SUSD1: variants seen among roughly 807,000 people sequenced by gnomAD.
SUSD1 encodes the protein sushi domain-containing protein 1.
Under a neutral mutation model 86.9 loss-of-function variants are expected in SUSD1, and 65 were observed. The ratio of observed to expected loss-of-function variants is 0.75; its 90% CI spans 0.61 to 0.92. SUSD1 has a LOEUF of 0.92. Among genes scored for constraint, SUSD1 ranks in the 40% least tolerant of loss-of-function variants. The probability of loss-of-function intolerance (pLI) is 0.00; values close to 1 mark genes in which losing one functional copy is unlikely to be tolerated. For missense variants in SUSD1, 850 were observed against 929.7 expected, an observed-to-expected ratio of 0.91 and a Z score of 1.11; for synonymous variants, 346 against 350.0, an observed-to-expected ratio of 0.99 and a Z score of 0.13.
In SUSD1 at chr9:112,124,318, TC is replaced by T; in HGVS notation, c.824del (p.Gly275GlufsTer18). 6.2e-7 allele frequency: 1 copy of T among 1,614,092 alleles called. No individual in the cohort carries two copies. The highest frequency in any genetic ancestry group is 8.5e-7 in the Non-Finnish European group (1 of 1,179,970). ...VCQEGFESPG[G>X]KITSVCTEKG... is the part of the protein sequence containing the mutation. Reference sequence around the variant, plus strand: ...TCTCTGTGCAAACAGAAGTGATCTTTCCTCCAGGGCTCTCAAAGCCCTCTTG... The same window carrying T: ...TCTCTGTGCAAACAGAAGTGATCTTTCTCCAGGGCTCTCAAAGCCCTCTTG... On this transcript the variant is annotated frameshift_variant, in exon 6 of 17. Transcript: ENST00000374270. LOFTEE classifies it high-confidence loss of function.
chr9:112,074,954 G>C (rs892050478), intron 12 of SUSD1, among the ~76,000 whole-genome samples: 1 of 152,186 alleles, frequency 6.6e-6, no homozygotes, highest in Non-Finnish European at 1.5e-5. Flanking sequence ...TGAGCACAGA[G>C]AGAGGGAACT....
In SUSD1 at chr9:112,124,564, A is replaced by G. The variant is rs528670802; in HGVS notation, c.707-128T>C. The stretch of plus-strand genomic sequence containing the variant: ...CAGGAAAAGAGAAAACACTAACCCC[A>G]TCAAATAATCCAATATAAGTATGTC... On this transcript the variant is annotated intron_variant, in intron 5 of 16. Transcript: ENST00000374270. 7 of 819,040 alleles carry G rather than the reference A, an allele frequency of 8.5e-6. No individual in the cohort carries two copies. In the South Asian group the frequency reaches 1.0e-4, roughly 12 times the overall value. 50.7% of individuals were successfully genotyped at this position (819,040 alleles called of 1,614,324 possible).
chr9:112,087,805 T>C lies in SUSD1; in HGVS notation c.1475-7640A>G, dbSNP rs192165555. 1.4e-3 allele frequency among the ~76,000 whole-genome samples: 212 copies of C among 152,266 alleles called. 1 individual carries two copies. Among genetic ancestry groups the C allele is most frequent in the African/African-American group, 4.8e-3 (201 of 41,556 alleles). The stretch of plus-strand genomic sequence containing the variant: ...AAACAAGCATGAAACAGAATTAGTG[T>C]TTAAAACTACAATTCAAGATAACTT... On this transcript the variant is annotated intron_variant, in intron 10 of 16. Transcript: ENST00000374270.
chr9:112,054,874 C>T (rs1383176889), intron 14 of SUSD1, among the ~76,000 whole-genome samples: 1 of 152,122 alleles, frequency 6.6e-6, no homozygotes, highest in Admixed American at 6.5e-5. Flanking sequence ...TCTAAGGACA[C>T]TATGTATAGT....
intron 12 of SUSD1, among the ~76,000 whole-genome samples, chr9:112,063,430 T>G (rs1046182670): frequency 3.3e-5 from 5 of 152,184 alleles, no homozygotes. Context: ...GATGTTAAAA[T>G]GGCACATTTT....
At position 112,138,268 on chromosome 9, in the gene SUSD1, T is replaced by TAC. The variant is rs1243765307; in HGVS notation, c.706+4051_706+4052insGT. 1.3e-3 allele frequency among the ~76,000 whole-genome samples: 99 copies of TAC among 74,616 alleles called. 7 individuals are homozygous for TAC. Among genetic ancestry groups the TAC allele is most frequent in the Admixed American group, 0.012 (74 of 6,220 alleles). The allele number at this position is 74,616 out of a possible 152,430, so 49.0% of individuals were successfully genotyped here. A position where few individuals can be genotyped will look rare whatever the true frequency, so the allele number is the denominator to read the frequency against. On this transcript the variant is annotated intron_variant, in intron 5 of 16. Transcript: ENST00000374270. ...ATATATATATATATGTGTATATACA[T>TAC]ATATATATATATGAAGTCCAGGATC...
chr9:112,172,243 C>T (rs1834076599), intron 1 of SUSD1, among the ~76,000 whole-genome samples: 1 of 151,834 alleles, frequency 6.6e-6, no homozygotes, highest in Non-Finnish European at 1.5e-5. Flanking sequence ...GGTCTCTGCC[C>T]TCAACCTAGA....
chr9:112,145,884 C>T (rs1336529993), intron 3 of SUSD1: 1 of 152,148 alleles, frequency 6.6e-6, no homozygotes, highest in Non-Finnish European at 1.5e-5. Flanking sequence ...AGGGCCAGAA[C>T]ATCTGCCTGT....
intron 3 of SUSD1, among the ~76,000 whole-genome samples, chr9:112,145,456 T>C (rs1589722486): frequency 6.6e-6 from 1 of 151,908 alleles, no homozygotes; most frequent in East Asian, 1.9e-4. Context: ...TTTTTGTGTG[T>C]CTTTTTGTAG....
chr9:112,041,636 G>A, intron 16 of SUSD1, 144 bp from the exon 17 acceptor site: 2 of 712,066 alleles, frequency 2.8e-6, no homozygotes, highest in South Asian at 3.0e-5. Context: ...CCCTCTGTGT[G>A]TGGCCAGGGC....
chr9:112,149,112 T>A, intron 3 of SUSD1, 132 bp downstream of exon 3: 1 of 1,259,546 alleles, frequency 7.9e-7, no homozygotes, highest in Non-Finnish European at 1.1e-6. Context: ...ATAAGAATAT[T>A]ATCCTATATA....
rs115589097 is a variant in SUSD1 at position 112,099,808 on chromosome 9, C to T, written c.1282-1146G>A. 3.7e-3 allele frequency among the ~76,000 whole-genome samples: 568 copies of T among 152,300 alleles called. 5 individuals carry two copies. The highest frequency in any genetic ancestry group is 0.013 in the African/African-American group (544 of 41,570). On this transcript the variant is annotated intron_variant, in intron 9 of 16. Coordinates refer to ENST00000374270, the MANE Select transcript of SUSD1 (RefSeq NM_022486.5). ...TCTCTTATCAATTTTGACAGTCATCCAAGACCCTGACAGGTGGTTCATAAG... is the reference window on the plus strand; with the variant it reads ...TCTCTTATCAATTTTGACAGTCATCTAAGACCCTGACAGGTGGTTCATAAG...
In SUSD1 at chr9:112,041,879, AAGGAG is replaced by A. The variant is rs765336504; in HGVS notation, c.2226_2230del (p.Ser743LeufsTer10). The A allele has an allele frequency of 3.7e-6, 6 of 1,613,684 alleles. No homozygotes were observed. The highest frequency in any genetic ancestry group is 5.1e-6 in the Non-Finnish European group (6 of 1,179,852). ...CACCCTCACATACCACACCGCTGAG[AAGGAG>A]AGGAATGTGAGAATGATCACAACAG... is the stretch of plus-strand genomic sequence containing the variant. On this transcript the variant is annotated frameshift_variant, in exon 16 of 17. Coordinates refer to ENST00000374270, the MANE Select transcript of SUSD1 (RefSeq NM_022486.5). LOFTEE classifies it high-confidence loss of function.
intron 1 of SUSD1, among the ~76,000 whole-genome samples, chr9:112,172,370 G>C (rs1400865255): frequency 6.6e-6 from 1 of 152,034 alleles, no homozygotes; most frequent in Admixed American, 6.6e-5. Flanking sequence ...CCATCTCCTA[G>C]TTTCCTTGAC....
At chr9:112,164,554 A>T (rs1388660469) in intron 1 of SUSD1, among the ~76,000 whole-genome samples, 1 of 152,096 alleles carries the variant, frequency 6.6e-6, no homozygotes, top group Non-Finnish European at 1.5e-5. Context: ...TCTAAAAAAA[A>T]AAAAGAGAAA....
rs1357212845 is a variant in SUSD1 at position 112,124,310 on chromosome 9, G to A, written c.833C>T (p.Thr278Ile). ...EGFESPGGKI[T>I]SVCTEKGTWR... ...GGTGCCTTTCTCTGTGCAAACAGAAGTGATCTTTCCTCCAGGGCTCTCAAA... is the reference window on the plus strand; with the variant it reads ...GGTGCCTTTCTCTGTGCAAACAGAAATGATCTTTCCTCCAGGGCTCTCAAA... Residue 278 changes from threonine (T) to isoleucine (I), a missense_variant, in exon 6 of 17, where the codon ACT (threonine) becomes ATT (isoleucine). Physicochemically the swap from Thr to Ile is moderately conservative, Grantham distance 89 (BLOSUM62 -1). Transcript: ENST00000374270. 5.6e-6 allele frequency: 9 copies of A among 1,614,040 alleles called. No homozygotes were observed. Among genetic ancestry groups the A allele is most frequent in the Admixed American group, 1.7e-5 (1 of 60,002 alleles).
At chr9:112,093,839 G>A (rs1361618968) in intron 10 of SUSD1, among the ~76,000 whole-genome samples, 2 of 152,206 alleles carry the variant, frequency 1.3e-5, no homozygotes, top group Non-Finnish European at 2.9e-5. Context: ...GAGGTAGGTA[G>A]ATATCTGATT....
intron 10 of SUSD1, among the ~76,000 whole-genome samples, chr9:112,081,530 G>A (rs1401434841): frequency 6.6e-6 from 1 of 152,196 alleles, no homozygotes; most frequent in Non-Finnish European, 1.5e-5. Context: ...ATTAGTAGTA[G>A]TGGTCCAAAG....
intron 15 of SUSD1, among the ~76,000 whole-genome samples, chr9:112,049,023 C>T (rs1828075614): frequency 6.6e-6 from 1 of 152,182 alleles, no homozygotes; most frequent in East Asian, 1.9e-4. Flanking sequence ...GAAACAAAAT[C>T]AGTTCTGAGT....
Sources: gnomAD v4.1 joint callset for allele counts (sites outside exome capture counted in the v4.1 genomes callset) on GRCh38, gnomAD v4.1.1 for gene constraint, MANE v1.5 for transcripts, NCBI Gene and HGNC (gene_info 2026-07-23, HGNC 2026-07-21) for gene names.